The following CACNA1D variants were observed in gnomAD, a reference collection of about 807,000 sequenced individuals.
CACNA1D encodes the protein voltage-dependent L-type calcium channel subunit alpha-1D.
CACNA1D carries 55 observed loss-of-function variants against 257.1 expected under a neutral mutation model. That is an observed-to-expected ratio of 0.21 (90% CI 0.17 to 0.27). The LOEUF is 0.27. Among genes scored for constraint, CACNA1D ranks in the 10% least tolerant of loss-of-function variants. CACNA1D has a pLI of 1.00. For synonymous variants in CACNA1D, 980 were observed against 1,014.9 expected, an observed-to-expected ratio of 0.97 and a Z score of 0.65; for missense variants, 1,876 against 2,784.0, an observed-to-expected ratio of 0.67 and a Z score of 7.34.
At chr3:53,575,606 C>T (rs546891257) in intron 3 of CACNA1D, among the ~76,000 whole-genome samples, 9 of 152,232 alleles carry the variant, frequency 5.9e-5, no homozygotes, top group African/African-American at 2.2e-4. Context: ...CAGGGTCAGT[C>T]GTCATTTTGC....
intron 3 of CACNA1D, among the ~76,000 whole-genome samples, chr3:53,605,080 A>G (rs1221088405): frequency 6.6e-6 from 1 of 152,224 alleles, no homozygotes; most frequent in African/African-American, 2.4e-5. Flanking sequence ...GAATCTACCT[A>G]ATTAAAAGCA....
chr3:53,561,644 A>G (rs1333065006), intron 3 of CACNA1D, among the ~76,000 whole-genome samples: 1 of 152,154 alleles, frequency 6.6e-6, no homozygotes, highest in Admixed American at 6.5e-5. Context: ...TTTGATCTTC[A>G]GTTTTTCGCA....
At chr3:53,746,689 A>G (rs2095172518) in intron 25 of CACNA1D, among the ~76,000 whole-genome samples, 2 of 152,208 alleles carry the variant, frequency 1.3e-5, no homozygotes, top group Non-Finnish European at 2.9e-5. Context: ...CCTGGAGGTG[A>G]GCAGCCTGGC....
At chr3:53,684,242 A>G (rs2094455361) in intron 8 of CACNA1D, among the ~76,000 whole-genome samples, 1 of 152,186 alleles carries the variant, frequency 6.6e-6, no homozygotes, top group African/African-American at 2.4e-5. Flanking sequence ...GTCACCAACA[A>G]ATTTGCACTC....
chr3:53,725,004 C>CTTT (rs35909723), intron 14 of CACNA1D, among the ~76,000 whole-genome samples: 2,564 of 145,014 alleles, frequency 0.018, 39 homozygotes, highest in African/African-American at 0.035. Context: ...AAACTGGTGT[C>CTTT]TTTTTTTTTT....
At chr3:53,562,902 C>T (rs1304524593) in intron 3 of CACNA1D, among the ~76,000 whole-genome samples, 8 of 152,196 alleles carry the variant, frequency 5.3e-5, no homozygotes, top group Admixed American at 4.6e-4. Flanking sequence ...TTTTGCAGTT[C>T]AGGAAACTGA....
intron 2 of CACNA1D, among the ~76,000 whole-genome samples, chr3:53,501,201 T>C (rs897971961): frequency 6.6e-6 from 1 of 152,244 alleles, no homozygotes; most frequent in Non-Finnish European, 1.5e-5. Flanking sequence ...GGCAAGGATC[T>C]GCGGAAGACA....
chr3:53,810,655 G>A, intron 47 of CACNA1D: 1 of 354,592 alleles, frequency 2.8e-6, no homozygotes. Context: ...CTACTCAGGA[G>A]GCTGCAGCAG....
chr3:53,541,601 C>G (rs2092299233), intron 3 of CACNA1D, among the ~76,000 whole-genome samples: 1 of 152,130 alleles, frequency 6.6e-6, no homozygotes, highest in Non-Finnish European at 1.5e-5. Context: ...GGGGGACTGA[C>G]CAGTCTTTTG....
intron 3 of CACNA1D, among the ~76,000 whole-genome samples, chr3:53,527,743 G>T (rs2091815824): frequency 6.6e-6 from 1 of 152,112 alleles, no homozygotes; most frequent in Admixed American, 6.5e-5. Context: ...GATAATTATG[G>T]CATTAATTAT....
At chr3:53,581,236 A>G (rs1052264843) in intron 3 of CACNA1D, among the ~76,000 whole-genome samples, 2 of 152,186 alleles carry the variant, frequency 1.3e-5, no homozygotes, top group African/African-American at 4.8e-5. Flanking sequence ...GCTAATGTGT[A>G]TGCACCTTCT....
intron 3 of CACNA1D, among the ~76,000 whole-genome samples, chr3:53,576,829 G>T (rs1273151033): frequency 1.3e-5 from 2 of 152,208 alleles, no homozygotes; most frequent in East Asian, 3.8e-4. Flanking sequence ...TTTTCATGCT[G>T]ATTCATTTGA....
chr3:53,770,619 C>T, intron 32 of CACNA1D, 67 bp downstream of exon 32: 1 of 1,506,912 alleles, frequency 6.6e-7, no homozygotes, highest in Non-Finnish European at 9.2e-7. Context: ...TGATTGTCCC[C>T]ATCCTAGAGG....
intron 46 of CACNA1D, 128 bp downstream of exon 46, chr3:53,808,898 T>G: frequency 1.0e-6 from 1 of 952,424 alleles, no homozygotes; most frequent in South Asian, 1.5e-5. Context: ...TACAGTCTAG[T>G]TAATCTTTGT....
intron 3 of CACNA1D, among the ~76,000 whole-genome samples, chr3:53,553,024 C>G (rs904496216): frequency 6.6e-6 from 1 of 152,142 alleles, no homozygotes; most frequent in East Asian, 1.9e-4. Context: ...CGGGAGCATT[C>G]AAAAATTACT....
chr3:53,576,172 C>G (rs1270062906), intron 3 of CACNA1D, among the ~76,000 whole-genome samples: 1 of 152,168 alleles, frequency 6.6e-6, no homozygotes, highest in Non-Finnish European at 1.5e-5. Flanking sequence ...TGCTTTTCAA[C>G]TGGGAAACGT....
intron 30 of CACNA1D, among the ~76,000 whole-genome samples, chr3:53,767,968 T>C (rs1044353481): frequency 2.6e-5 from 4 of 152,216 alleles, no homozygotes; most frequent in African/African-American, 9.6e-5. Flanking sequence ...TGTGCTGCCC[T>C]CTCCCTTTAC....
At chr3:53,653,641 G>A (rs1408442985) in intron 4 of CACNA1D, among the ~76,000 whole-genome samples, 1 of 152,050 alleles carries the variant, frequency 6.6e-6, no homozygotes, top group African/African-American at 2.4e-5. Context: ...TGAACATATG[G>A]CAATAACATG....
At chr3:53,727,441 C>T (rs1006145056) in intron 15 of CACNA1D, among the ~76,000 whole-genome samples, 19 of 152,306 alleles carry the variant, frequency 1.2e-4, no homozygotes, top group East Asian at 9.6e-4. Flanking sequence ...TCTGTGCTCC[C>T]CTGGGCTAAT....
Sources: allele counts gnomAD v4.1 joint callset (sites outside exome capture counted in the v4.1 genomes callset), GRCh38; gene constraint gnomAD v4.1.1; transcripts MANE v1.5; gene names NCBI Gene and HGNC (gene_info 2026-07-23, HGNC 2026-07-21).